Variants in SLC35F4 observed in about 807,000 individuals in gnomAD.
The protein encoded by SLC35F4 is solute carrier family 35 member F4.
A neutral mutation model predicts 44.2 loss-of-function variants in SLC35F4; 24 were observed. That is an observed-to-expected ratio of 0.54 (90% confidence interval 0.39 to 0.76). The LOEUF (loss-of-function observed/expected upper bound fraction) is 0.76. Ranked by LOEUF, SLC35F4 falls within the 30% of genes least tolerant of loss-of-function variation. The pLI is 0.00. For missense variants in SLC35F4, 562 were observed against 586.1 expected (o/e 0.96, Z 0.42); for synonymous variants, 238 against 223.6 (o/e 1.06, Z -0.57).
chr14:57,934,197 C>T (rs1175058589), intron 1 of SLC35F4, among the ~76,000 whole-genome samples: 1 of 151,328 alleles, frequency 6.6e-6, no homozygotes. Flanking sequence ...CTTATGGGAA[C>T]AGTTGGTGAT....
chr14:57,653,751 T>C (rs2073866985), intron 1 of SLC35F4, among the ~76,000 whole-genome samples: 1 of 152,178 alleles, frequency 6.6e-6, no homozygotes, highest in South Asian at 2.1e-4. Context: ...GTGGCCGCCT[T>C]ATCAGGGCTG....
intron 1 of SLC35F4, among the ~76,000 whole-genome samples, chr14:57,736,715 T>C (rs2076473614): frequency 6.6e-6 from 1 of 152,214 alleles, no homozygotes; most frequent in Admixed American, 6.5e-5. Flanking sequence ...TCTCTCTGTA[T>C]GGCAATATTG....
Position 57,655,773 on chromosome 14 carries a change from C to G in SLC35F4, c.104-61649G>C, listed in dbSNP as rs545756269. Among the ~76,000 whole-genome samples, 5 of 152,216 alleles carry G rather than the reference C, an allele frequency of 3.3e-5. No individual in the cohort carries two copies. The South Asian group carries it at 1.0e-3, about 32-fold the overall frequency. ...CACACTACTCCAGCAGTTCTCACTT[C>G]GGACTCAAGTGTCATGACTCACAAC... On this transcript the variant is annotated intron_variant, in intron 1 of 7. Transcript: ENST00000556826.
intron 1 of SLC35F4, among the ~76,000 whole-genome samples, chr14:57,877,674 C>CTTTTTTTTTTTTTTTT (rs139397949): frequency 1.1e-4 from 6 of 52,422 alleles, no homozygotes; most frequent in East Asian, 1.0e-3. Flanking sequence ...TATTTTTTGA[C>CTTTTTTTTTTTTTTTT]TTTTTTTTTT....
chr14:57,779,247 A>C (rs541120357), intron 1 of SLC35F4, among the ~76,000 whole-genome samples: 1 of 152,150 alleles, frequency 6.6e-6, no homozygotes, highest in Non-Finnish European at 1.5e-5. Context: ...TAGCTAGACA[A>C]AGAAGAAAAG....
intron 1 of SLC35F4, among the ~76,000 whole-genome samples, chr14:57,774,177 G>A (rs1031175822): frequency 2.6e-5 from 4 of 152,150 alleles, no homozygotes; most frequent in East Asian, 1.9e-4. Context: ...AGAGTGAACA[G>A]AGAGGGAAGA....
chr14:57,823,012 G>A (rs1367565974), intron 1 of SLC35F4, among the ~76,000 whole-genome samples: 1 of 152,028 alleles, frequency 6.6e-6, no homozygotes, highest in Non-Finnish European at 1.5e-5. Context: ...GGAACTCCAG[G>A]CTCATGTCTG....
At chr14:57,789,719 T>A (rs1477357152) in intron 1 of SLC35F4, among the ~76,000 whole-genome samples, 5 of 152,204 alleles carry the variant, frequency 3.3e-5, no homozygotes, top group Non-Finnish European at 2.9e-5. Flanking sequence ...CCAACATGCC[T>A]GATGAATATC....
chr14:57,801,752 G>A (rs1428930855), intron 1 of SLC35F4, among the ~76,000 whole-genome samples: 1 of 152,090 alleles, frequency 6.6e-6, no homozygotes. Flanking sequence ...ATTACATAAA[G>A]GTAAAGGGTT....
In SLC35F4 at chr14:57,630,538, C is replaced by G. The variant is rs1195872990; in HGVS notation, c.104-36414G>C. The stretch of plus-strand genomic sequence containing the variant: ...CTAGAGGCACCTCAAAAATAGATTC[C>G]AAAACACATTATAAGTCTGGCTCAA... On this transcript the variant is annotated intron_variant, in intron 1 of 7. Transcript: ENST00000556826. 10 of 1,118,766 alleles carry G rather than the reference C, an allele frequency of 8.9e-6. No individual in the cohort carries two copies. In the Admixed American group the frequency reaches 1.7e-4, roughly 19 times the overall value. 69.3% of individuals were successfully genotyped at this position (1,118,766 alleles called of 1,614,324 possible).
At chr14:57,630,015 T>C (rs750868499) in intron 1 of SLC35F4, 1 of 533,426 alleles carries the variant, frequency 1.9e-6, no homozygotes, top group South Asian at 1.4e-5. Flanking sequence ...CTATAGTTGA[T>C]GTGTATGTTC....
chr14:57,749,082 T>TATGCCTG (rs1305454358), intron 1 of SLC35F4, among the ~76,000 whole-genome samples: 1 of 152,144 alleles, frequency 6.6e-6, no homozygotes, highest in Non-Finnish European at 1.5e-5. Flanking sequence ...GGTTCAAATA[T>TATGCCTG]ACTAATAGAT....
intron 1 of SLC35F4, among the ~76,000 whole-genome samples, chr14:57,948,838 T>G (rs577204980): frequency 1.3e-5 from 2 of 152,168 alleles, no homozygotes; most frequent in Admixed American, 1.3e-4. Context: ...TGTATTTGTA[T>G]AGTTTTAAAA....
chr14:57,927,172 A>C (rs1204545786), intron 1 of SLC35F4, among the ~76,000 whole-genome samples: 1 of 152,190 alleles, frequency 6.6e-6, no homozygotes, highest in Non-Finnish European at 1.5e-5. Context: ...GCCAATCTGC[A>C]AGCTGTCCTG....
chr14:57,689,917 C>T (rs2075180413), intron 1 of SLC35F4, among the ~76,000 whole-genome samples: 1 of 152,076 alleles, frequency 6.6e-6, no homozygotes, highest in South Asian at 2.1e-4. Context: ...AATAAAGATA[C>T]AGCTCAAATT....
At chr14:57,697,938 A>G (rs749254272) in intron 1 of SLC35F4, among the ~76,000 whole-genome samples, 12 of 152,186 alleles carry the variant, frequency 7.9e-5, no homozygotes, top group Admixed American at 4.6e-4. Context: ...AGTGCTTAAG[A>G]CATGAGGTCT....
intron 1 of SLC35F4, among the ~76,000 whole-genome samples, chr14:57,617,192 G>A (rs1305602733): frequency 1.5e-5 from 2 of 137,386 alleles, no homozygotes; most frequent in African/African-American, 5.4e-5. Flanking sequence ...GTGCAGCGGT[G>A]TGATCTCGGC....
At chr14:57,836,629 T>C (rs753710257) in intron 1 of SLC35F4, among the ~76,000 whole-genome samples, 2 of 152,140 alleles carry the variant, frequency 1.3e-5, no homozygotes, top group Admixed American at 6.6e-5. Context: ...TTATGAAAAC[T>C]TTGAAATATA....
chr14:57,664,100 G>A (rs1202101656), intron 1 of SLC35F4, among the ~76,000 whole-genome samples: 1 of 152,100 alleles, frequency 6.6e-6, no homozygotes, highest in Non-Finnish European at 1.5e-5. Context: ...ATAGGACAAT[G>A]AGGACAATTC....
Sources: allele counts gnomAD v4.1 joint callset (sites outside exome capture counted in the v4.1 genomes callset), GRCh38; gene constraint gnomAD v4.1.1; transcripts MANE v1.5; gene names NCBI Gene and HGNC (gene_info 2026-07-23, HGNC 2026-07-21).